Variants in CLTCL1 observed in about 807,000 individuals in gnomAD.
CLTCL1 encodes clathrin heavy chain like 1, also known as clathrin heavy chain 2.
Under a neutral mutation model 190.0 loss-of-function variants are expected in CLTCL1, and 159 were observed. That is an observed-to-expected ratio of 0.84 (90% CI 0.74 to 0.95). The LOEUF (loss-of-function observed/expected upper bound fraction) is 0.95. Among genes scored for constraint, CLTCL1 ranks in the 40% least tolerant of loss-of-function variants. The pLI, the probability that CLTCL1 is intolerant of heterozygous loss-of-function variation, is 0.00. For missense variants in CLTCL1, 1,878 were observed against 2,033.4 expected (o/e 0.92, Z 1.47); for synonymous variants, 752 against 769.6 (o/e 0.98, Z 0.38).
At chr22:19,258,039 C>A in intron 2 of CLTCL1, 7 of 479,372 alleles carry the variant, frequency 1.5e-5, no homozygotes, top group Non-Finnish European at 2.8e-5. Context: ...ACAGAGCTGG[C>A]CATGCACCAG....
intron 4 of CLTCL1, among the ~76,000 whole-genome samples, chr22:19,239,760 T>A (rs1346044754): frequency 1.3e-5 from 2 of 152,110 alleles, no homozygotes; most frequent in Non-Finnish European, 2.9e-5. Flanking sequence ...CATACAAGCC[T>A]GTTAGTGCAA....
chr22:19,204,070 C>T (rs1225355182), intron 22 of CLTCL1, among the ~76,000 whole-genome samples: 3 of 152,240 alleles, frequency 2.0e-5, no homozygotes, highest in African/African-American at 7.2e-5. Context: ...CCTCTATGCA[C>T]TCCCTGCTCC....
intron 3 of CLTCL1, among the ~76,000 whole-genome samples, chr22:19,247,126 T>A (rs906229863): frequency 3.9e-5 from 6 of 152,244 alleles, no homozygotes; most frequent in African/African-American, 7.2e-5. Flanking sequence ...TTTGTAGTTT[T>A]ACCTTCTACA....
intron 30 of CLTCL1, chr22:19,181,107 G>T: frequency 2.4e-6 from 1 of 412,330 alleles, no homozygotes. Context: ...CCTGCTTATG[G>T]GGGGCCAAGT....
intron 29 of CLTCL1, among the ~76,000 whole-genome samples, chr22:19,185,388 G>A (rs1341042452): frequency 4.6e-5 from 7 of 150,720 alleles, no homozygotes; most frequent in Admixed American, 4.0e-4. Context: ...GTGCAGTGGC[G>A]TGATCTCTGC....
intron 3 of CLTCL1, among the ~76,000 whole-genome samples, chr22:19,248,787 G>C (rs2086498712): frequency 6.6e-6 from 1 of 152,108 alleles, no homozygotes; most frequent in Non-Finnish European, 1.5e-5. Flanking sequence ...TGACCACAGG[G>C]TGATCTGCCT....
At chr22:19,280,818 C>CAA (rs35797654) in intron 1 of CLTCL1, among the ~76,000 whole-genome samples, 77 of 59,178 alleles carry the variant, frequency 1.3e-3, no homozygotes, top group Non-Finnish European at 1.7e-3. Flanking sequence ...GACTCCATCT[C>CAA]AAAAAAAAAA....
intron 3 of CLTCL1, chr22:19,249,975 C>T (rs1349333530): frequency 1.1e-5 from 4 of 369,236 alleles, no homozygotes; most frequent in South Asian, 2.0e-5. Context: ...ATAAATGGGC[C>T]GGGCGCGGTG....
chr22:19,283,266 TA>T (rs1177879135), intron 1 of CLTCL1, among the ~76,000 whole-genome samples: 1 of 151,762 alleles, frequency 6.6e-6, no homozygotes, highest in East Asian at 1.9e-4. Context: ...TACACATTTT[TA>T]AAAAAATTTT....
intron 4 of CLTCL1, among the ~76,000 whole-genome samples, chr22:19,239,944 T>A (rs2086198049): frequency 6.7e-6 from 1 of 150,314 alleles, no homozygotes; most frequent in Non-Finnish European, 1.5e-5. Context: ...ACTTTCTTTT[T>A]CTTCTTTTTT....
At chr22:19,253,928 G>A in intron 3 of CLTCL1, 31 bp downstream of exon 3, 2 of 1,602,818 alleles carry the variant, frequency 1.2e-6, no homozygotes, top group East Asian at 2.2e-5. Flanking sequence ...AGTTACATCA[G>A]ACCAGCCCCT....
intron 26 of CLTCL1, among the ~76,000 whole-genome samples, chr22:19,193,050 C>A (rs1267093007): frequency 2.0e-5 from 3 of 152,210 alleles, no homozygotes; most frequent in African/African-American, 7.2e-5. Flanking sequence ...TGGCGAATCA[C>A]CTCCTCAAAG....
intron 2 of CLTCL1, among the ~76,000 whole-genome samples, chr22:19,256,607 C>T (rs2800991): frequency 0.062 from 9,357 of 152,008 alleles, 346 homozygotes; most frequent in Middle Eastern, 0.16. Context: ...AGTCGCCTGC[C>T]TCAGCCTCCC....
chr22:19,212,413 A>C (rs1326741525), intron 19 of CLTCL1, among the ~76,000 whole-genome samples: 2 of 151,262 alleles, frequency 1.3e-5, no homozygotes, highest in Non-Finnish European at 2.9e-5. Flanking sequence ...AAAAAAAAAA[A>C]ACAACTAGCC....
chr22:19,283,248 A>T (rs1328793016), intron 1 of CLTCL1, among the ~76,000 whole-genome samples: 1 of 151,686 alleles, frequency 6.6e-6, no homozygotes, highest in Non-Finnish European at 1.5e-5. Flanking sequence ...TCTGATAGGT[A>T]ACCTAGCTAC....
intron 27 of CLTCL1, among the ~76,000 whole-genome samples, chr22:19,190,921 G>A (rs1380082673): frequency 1.3e-5 from 2 of 152,050 alleles, no homozygotes; most frequent in Non-Finnish European, 2.9e-5. Context: ...GGGACTACAG[G>A]TGCCCACCAC....
intron 11 of CLTCL1, among the ~76,000 whole-genome samples, chr22:19,226,697 A>G (rs558413928): frequency 6.6e-6 from 1 of 152,274 alleles, no homozygotes; most frequent in African/African-American, 2.4e-5. Context: ...GATGAGTCCA[A>G]GTCACTGTTG....
At position 19,282,058 on chromosome 22, in the gene CLTCL1, C is replaced by T. The variant is rs565279504; in HGVS notation, c.43-6228G>A. 5.3e-5 allele frequency among the ~76,000 whole-genome samples: 8 copies of T among 152,010 alleles called. No individual in the cohort carries two copies. In the South Asian group the frequency reaches 1.0e-3, roughly 20 times the overall value. On this transcript the variant is annotated intron_variant, in intron 1 of 32. Transcript: ENST00000427926. The stretch of plus-strand genomic sequence containing the variant: ...GAAATGGGAAAGGGGCGGCCGGGCA[C>T]GGTGGCTCACGCCTATAATCCTAGC...
At chr22:19,254,829 T>C (rs1231860962) in intron 2 of CLTCL1, among the ~76,000 whole-genome samples, 1 of 152,242 alleles carries the variant, frequency 6.6e-6, no homozygotes, top group African/African-American at 2.4e-5. Context: ...TTAACTTTAA[T>C]TAATTTAAGT....
Sources: gnomAD v4.1 joint callset for allele counts (sites outside exome capture counted in the v4.1 genomes callset) on GRCh38, gnomAD v4.1.1 for gene constraint, MANE v1.5 for transcripts, NCBI Gene and HGNC (gene_info 2026-07-23, HGNC 2026-07-21) for gene names.